FNBP1L: variants seen among roughly 807,000 people sequenced by gnomAD.
The protein encoded by FNBP1L is formin-binding protein 1-like.
A neutral mutation model predicts 91.2 loss-of-function variants in FNBP1L; 36 were observed. The observed-to-expected ratio is 0.39, with a 90% CI of 0.30 to 0.52. FNBP1L has a LOEUF of 0.52. FNBP1L is among the 20% of genes least tolerant of loss of function. The pLI, the probability that FNBP1L is intolerant of heterozygous loss-of-function variation, is 0.66. For synonymous variants in FNBP1L, 242 were observed against 237.0 expected, an observed-to-expected ratio of 1.02 and a Z score of -0.19; for missense variants, 571 against 732.1, an observed-to-expected ratio of 0.78 and a Z score of 2.54.
intron 1 of FNBP1L, among the ~76,000 whole-genome samples, chr1:93,493,878 T>C (rs1430502659): frequency 6.6e-6 from 1 of 152,172 alleles, no homozygotes; most frequent in Non-Finnish European, 1.5e-5. Flanking sequence ...ATTAGAAATA[T>C]TCTTGCTAAA....
At position 93,534,962 on chromosome 1, in the gene FNBP1L, C is replaced by T. The variant is rs565178376; in HGVS notation, c.990+54C>T. On this transcript the variant is annotated intron_variant, in intron 9 of 16. Transcript: ENST00000271234. ...ATCAGTTTAAGTGTACCAACTAAAA[C>T]AATGTGGGTATTGAATGCAAAATGA... is the stretch of plus-strand genomic sequence containing the variant. The T allele has an allele frequency of 2.4e-5, 34 of 1,393,818 alleles. No homozygotes were observed. The East Asian group carries it at 7.0e-4, about 29-fold the overall frequency. 86.3% of individuals were successfully genotyped at this position (1,393,818 alleles called of 1,614,324 possible).
At chr1:93,542,328 T>G (rs763831059) in intron 11 of FNBP1L, among the ~76,000 whole-genome samples, 5 of 151,590 alleles carry the variant, frequency 3.3e-5, no homozygotes, top group Non-Finnish European at 7.4e-5. Context: ...TATGACAAAT[T>G]TATGTTGCAA....
intron 10 of FNBP1L, among the ~76,000 whole-genome samples, chr1:93,539,384 A>G (rs1671951048): frequency 1.3e-5 from 2 of 151,844 alleles, no homozygotes; most frequent in Non-Finnish European, 2.9e-5. Flanking sequence ...TGTATGGAAC[A>G]TGTATTACTT....
intron 2 of FNBP1L, among the ~76,000 whole-genome samples, chr1:93,507,121 T>A (rs1169998433): frequency 1.4e-3 from 201 of 141,950 alleles, no homozygotes; most frequent in Middle Eastern, 7.3e-3. Flanking sequence ...TCTCTCTCTC[T>A]CTCTCTCTCT....
At chr1:93,497,915 C>T (rs1219504928) in intron 1 of FNBP1L, among the ~76,000 whole-genome samples, 3 of 151,732 alleles carry the variant, frequency 2.0e-5, no homozygotes, top group Admixed American at 6.6e-5. Context: ...CCACTGCGCC[C>T]GGCCATAATA....
chr1:93,534,607 CTTATA>C (rs1254392702), intron 8 of FNBP1L, 93 bp from the exon 9 acceptor site: 3 of 692,754 alleles, frequency 4.3e-6, no homozygotes, highest in Admixed American at 6.0e-5. Context: ...TTTATTTAAA[CTTATA>C]TTTGTTGTTT....
At chr1:93,516,852 C>G (rs1671139385) in intron 2 of FNBP1L, among the ~76,000 whole-genome samples, 1 of 152,062 alleles carries the variant, frequency 6.6e-6, no homozygotes, top group Non-Finnish European at 1.5e-5. Context: ...AGAAAACAAC[C>G]CCATTTGTAG....
intron 2 of FNBP1L, among the ~76,000 whole-genome samples, chr1:93,514,543 C>T (rs1461830448): frequency 3.9e-5 from 6 of 152,146 alleles, no homozygotes; most frequent in African/African-American, 1.2e-4. Flanking sequence ...GTAACCAAAA[C>T]AGCATGGTAC....
At chr1:93,484,594 G>A (rs570242423) in intron 1 of FNBP1L, among the ~76,000 whole-genome samples, 1 of 152,338 alleles carries the variant, frequency 6.6e-6, no homozygotes, top group African/African-American at 2.4e-5. Flanking sequence ...GGACCAAACT[G>A]TGTTGCTAAT....
At chr1:93,456,398 G>A (rs1275908566) in intron 1 of FNBP1L, among the ~76,000 whole-genome samples, 2 of 151,954 alleles carry the variant, frequency 1.3e-5, no homozygotes, top group Admixed American at 1.3e-4. Flanking sequence ...TCTATTTTTG[G>A]TACATCATAA....
chr1:93,521,539 A>G (rs1037862729), intron 2 of FNBP1L, among the ~76,000 whole-genome samples: 6 of 152,324 alleles, frequency 3.9e-5, no homozygotes, highest in African/African-American at 1.2e-4. Context: ...AGTCCCTCAT[A>G]TAAAATAGCA....
In FNBP1L at chr1:93,544,160, A is replaced by G; in HGVS notation, c.1218A>G (p.Lys406=). ...SHLPPEQRRK[K]LQQRIDELNR... ...TGCCACCAGAACAGAGACGTAAAAAACTACAGCAGCGCATTGATGAACTTA... is the reference window on the plus strand; with the variant it reads ...TGCCACCAGAACAGAGACGTAAAAAGCTACAGCAGCGCATTGATGAACTTA... Residue 406 remains lysine, a synonymous_variant, in exon 12 of 17, where the codon AAA becomes AAG. Coordinates refer to ENST00000271234, the MANE Select transcript of FNBP1L (RefSeq NM_001164473.3). 6.2e-7 allele frequency: 1 copy of G among 1,612,534 alleles called. No individual in the cohort carries two copies. The highest frequency in any genetic ancestry group is 8.5e-7 in the Non-Finnish European group (1 of 1,179,010).
intron 1 of FNBP1L, among the ~76,000 whole-genome samples, chr1:93,487,091 A>G (rs1669936612): frequency 1.3e-5 from 2 of 152,190 alleles, no homozygotes. Context: ...TGCTCTTAAG[A>G]CAGTCAATGA....
At position 93,536,368 on chromosome 1, in the gene FNBP1L, A is replaced by C. The variant is rs776748363; in HGVS notation, c.1027A>C (p.Thr343Pro). 1.4e-5 allele frequency: 22 copies of C among 1,548,760 alleles called. No individual in the cohort carries two copies. Among genetic ancestry groups the C allele is most frequent in the Non-Finnish European group, 1.8e-5 (21 of 1,145,464 alleles). ...ACCCTTAACCCCTACTAGTTTATTC[A>C]CATCCAGTACTCCTAATGGGTCCCA... is the stretch of plus-strand genomic sequence containing the variant. ...SPPLTPTSLF[T>P]SSTPNGSQFL... Residue 343 changes from threonine (T) to proline (P), a missense_variant, in exon 10 of 17, where the codon ACA (threonine) becomes CCA (proline). Coordinates refer to ENST00000271234, the MANE Select transcript of FNBP1L (RefSeq NM_001164473.3).
chr1:93,463,885 T>C (rs1335537801), intron 1 of FNBP1L, among the ~76,000 whole-genome samples: 1 of 152,218 alleles, frequency 6.6e-6, no homozygotes, highest in African/African-American at 2.4e-5. Context: ...TGAGATTCTG[T>C]GACCTAAATG....
intron 9 of FNBP1L, among the ~76,000 whole-genome samples, chr1:93,535,943 C>T (rs1005853116): frequency 5.3e-5 from 8 of 151,884 alleles, no homozygotes; most frequent in African/African-American, 1.4e-4. Context: ...ATTTTATGTG[C>T]GACATTACCT....
intron 1 of FNBP1L, among the ~76,000 whole-genome samples, chr1:93,472,772 A>C (rs1669338402): frequency 8.3e-6 from 1 of 120,730 alleles, no homozygotes; most frequent in South Asian, 2.9e-4. Flanking sequence ...AGATTGCGCC[A>C]CTGCACTCCA....
chr1:93,485,151 T>A (rs1269796336), intron 1 of FNBP1L, among the ~76,000 whole-genome samples: 21 of 126,070 alleles, frequency 1.7e-4, no homozygotes, highest in Middle Eastern at 3.8e-3. Context: ...ACCCTATCTC[T>A]AAAAAAAAAA....
At chr1:93,534,959 A>G in intron 9 of FNBP1L, 51 bp downstream of exon 9, 11 of 1,426,298 alleles carry the variant, frequency 7.7e-6, no homozygotes, top group Non-Finnish European at 1.1e-5. Flanking sequence ...GTACCAACTA[A>G]AACAATGTGG....
Sources: allele counts gnomAD v4.1 joint callset (sites outside exome capture counted in the v4.1 genomes callset), GRCh38; gene constraint gnomAD v4.1.1; transcripts MANE v1.5; gene names NCBI Gene and HGNC (gene_info 2026-07-23, HGNC 2026-07-21).